PTCHD4: variants seen among roughly 807,000 people sequenced by gnomAD.
PTCHD4 encodes patched domain containing 4.
In PTCHD4, 33 loss-of-function variants were observed where a neutral mutation model predicts 58.1. That is an observed-to-expected ratio of 0.57 (90% CI 0.43 to 0.76). PTCHD4 has a LOEUF of 0.76. Ranked by LOEUF, PTCHD4 falls within the 30% of genes least tolerant of loss-of-function variation. The pLI is 0.00. For missense variants in PTCHD4, 1,058 were observed against 1,027.1 expected, an observed-to-expected ratio of 1.03 and a Z score of -0.41; for synonymous variants, 478 against 409.6, an observed-to-expected ratio of 1.17 and a Z score of -2.02.
intron 1 of PTCHD4, among the ~76,000 whole-genome samples, chr6:48,091,637 CT>C (rs1427110375): frequency 3.6e-5 from 5 of 140,782 alleles, no homozygotes; most frequent in African/African-American, 1.3e-4. Context: ...CCCTCCCTTC[CT>C]CTTTCTTTCT....
chr6:48,031,121 A>G (rs1220635393), intron 3 of PTCHD4, among the ~76,000 whole-genome samples: 2 of 152,056 alleles, frequency 1.3e-5, no homozygotes, highest in Non-Finnish European at 2.9e-5. Context: ...GTAAAATTCA[A>G]TTTTAGCAAG....
intron 3 of PTCHD4, among the ~76,000 whole-genome samples, chr6:48,038,377 C>T (rs577739730): frequency 5.3e-5 from 8 of 152,124 alleles, no homozygotes; most frequent in South Asian, 2.1e-4. Flanking sequence ...TGTGGCAGCT[C>T]ATGCCTGTAA....
intron 4 of PTCHD4, among the ~76,000 whole-genome samples, chr6:47,906,020 C>T (rs1035786459): frequency 1.3e-5 from 2 of 152,224 alleles, no homozygotes; most frequent in Non-Finnish European, 2.9e-5. Context: ...TCAATCTGTG[C>T]CTGGCTTCAC....
At chr6:47,884,150 A>G (rs1764109601) in intron 4 of PTCHD4, among the ~76,000 whole-genome samples, 1 of 152,032 alleles carries the variant, frequency 6.6e-6, no homozygotes, top group Non-Finnish European at 1.5e-5. Context: ...GTATCTACCC[A>G]TCTGTTCAGA....
At chr6:48,042,226 G>A (rs893245616) in intron 3 of PTCHD4, among the ~76,000 whole-genome samples, 15 of 151,932 alleles carry the variant, frequency 9.9e-5, no homozygotes, top group African/African-American at 3.4e-4. Flanking sequence ...CTCACGTTGA[G>A]CAATTATTAA....
chr6:48,077,091 A>T (rs574171762), intron 1 of PTCHD4, among the ~76,000 whole-genome samples: 1 of 152,206 alleles, frequency 6.6e-6, no homozygotes, highest in South Asian at 2.1e-4. Flanking sequence ...TTTTGAAAGG[A>T]CTCTTTTTCT....
At chr6:48,067,349 A>AT (rs539773361) in intron 3 of PTCHD4, among the ~76,000 whole-genome samples, 309 of 151,678 alleles carry the variant, frequency 2.0e-3, no homozygotes, top group African/African-American at 7.0e-3. Context: ...GCTGACTGTG[A>AT]TTTTTTTTTC....
intron 3 of PTCHD4, among the ~76,000 whole-genome samples, chr6:48,022,344 G>A (rs1443307264): frequency 6.6e-6 from 1 of 151,452 alleles, no homozygotes; most frequent in Non-Finnish European, 1.5e-5. Context: ...ACTAGATAAA[G>A]AATACAACAC....
At chr6:48,107,564 CA>C (rs1327523032) in intron 1 of PTCHD4, among the ~76,000 whole-genome samples, 1 of 151,692 alleles carries the variant, frequency 6.6e-6, no homozygotes, top group Non-Finnish European at 1.5e-5. Flanking sequence ...TCTAAAACAC[CA>C]AAAGCAATGG....
rs1355395173 is a variant in PTCHD4, at chr6:48,068,372, T to C, written c.275A>G (p.Asp92Gly). 5.6e-6 allele frequency: 9 copies of C among 1,613,816 alleles called. No individual in the cohort carries two copies. Among genetic ancestry groups the C allele is most frequent in the Non-Finnish European group, 7.6e-6 (9 of 1,179,884 alleles). ...CGAATAGAGCTGGCTTTTGGACTGG[T>C]CCAGGGGGAAAAGGCTGCTGGCCAG... ...RSLASSLFPLDQSKSQLYSDL... is the reference protein window; with the variant it reads ...RSLASSLFPLGQSKSQLYSDL... The change falls in exon 3 of 5, where the codon GAC becomes GGC. Residue 92 changes from aspartate to glycine, a missense_variant. Physicochemically the swap from Asp to Gly is moderately conservative, Grantham distance 94. Transcript: ENST00000339488. The surrounding 1 kb of genome is among the most constrained non-coding windows in gnomAD (Gnocchi z 4.2).
At chr6:47,893,150 A>T (rs1382613494) in intron 4 of PTCHD4, among the ~76,000 whole-genome samples, 1 of 152,164 alleles carries the variant, frequency 6.6e-6, no homozygotes, top group Non-Finnish European at 1.5e-5. Context: ...AGCTGGGACT[A>T]CAGGCGTGTG....
intron 4 of PTCHD4, among the ~76,000 whole-genome samples, chr6:47,897,748 T>C (rs773246331): frequency 1.3e-5 from 2 of 152,136 alleles, no homozygotes; most frequent in Non-Finnish European, 2.9e-5. Flanking sequence ...CTTTGATGTA[T>C]TCTCTACTAC....
chr6:47,940,417 T>A (rs190843626), intron 4 of PTCHD4, among the ~76,000 whole-genome samples: 1 of 152,078 alleles, frequency 6.6e-6, no homozygotes, highest in Non-Finnish European at 1.5e-5. Context: ...CCTAAAAAAA[T>A]TATTTAAAAA....
intron 3 of PTCHD4, among the ~76,000 whole-genome samples, chr6:48,036,546 A>G (rs1763642711): frequency 6.6e-6 from 1 of 152,136 alleles, no homozygotes; most frequent in Admixed American, 6.6e-5. Flanking sequence ...CACACTGTAG[A>G]TGCTTTCTAC....
intron 3 of PTCHD4, among the ~76,000 whole-genome samples, chr6:48,049,754 G>T (rs573815580): frequency 6.6e-6 from 1 of 151,856 alleles, no homozygotes; most frequent in African/African-American, 2.4e-5. Context: ...ATTCTTTGCT[G>T]GTTGAGCTAC....
intron 4 of PTCHD4, among the ~76,000 whole-genome samples, chr6:47,967,243 C>T (rs1006441987): frequency 5.3e-5 from 8 of 152,156 alleles, no homozygotes; most frequent in East Asian, 1.9e-4. Flanking sequence ...GGTAACCAGA[C>T]GCATTGTCGA....
chr6:47,996,382 G>A (rs1768487520), intron 4 of PTCHD4, among the ~76,000 whole-genome samples: 1 of 152,164 alleles, frequency 6.6e-6, no homozygotes, highest in South Asian at 2.1e-4. Context: ...GGCTGAGACA[G>A]GAGAATCACT....
At chr6:47,881,795 G>A (rs1764028056) in intron 4 of PTCHD4, among the ~76,000 whole-genome samples, 1 of 152,128 alleles carries the variant, frequency 6.6e-6, no homozygotes, top group African/African-American at 2.4e-5. Context: ...AAGGAAGCTA[G>A]GCATTGGAAT....
rs373285367 is a variant in PTCHD4 at position 48,069,196 on chromosome 6, T to TGGGGG, written c.-244_-240dup. On this transcript the variant is annotated 5_prime_UTR_variant, in exon 2 of 5. An upstream open reading frame in the 5' UTR loses its in-frame stop. Coordinates refer to ENST00000339488, the MANE Select transcript of PTCHD4 (RefSeq NM_001384253.1). The stretch of plus-strand genomic sequence containing the variant: ...GAGAAGGGCGGGAGCACGTTGGGGG[T>TGGGGG]GGGGGGGCAGATAAGCTTTTTTCTT... Among the ~76,000 whole-genome samples, 1 of 47,210 alleles carries TGGGGG rather than the reference T, an allele frequency of 2.1e-5. No individual in the cohort carries two copies. The highest frequency in any genetic ancestry group is 4.1e-5 in the Non-Finnish European group (1 of 24,536). 31.0% of individuals were successfully genotyped at this position (47,210 alleles called of 152,430 possible).
Sources: gnomAD v4.1 joint callset for allele counts (sites outside exome capture counted in the v4.1 genomes callset) on GRCh38, gnomAD v4.1.1 for gene constraint, Gnocchi (gnomAD v3.1) non-coding constraint, MANE v1.5 for transcripts, NCBI Gene and HGNC (gene_info 2026-07-23, HGNC 2026-07-21) for gene names.